The following BRINP3 variants were observed in gnomAD, a reference collection of about 807,000 sequenced individuals.
The protein encoded by BRINP3 is BMP/retinoic acid inducible neural specific 3.
A neutral mutation model predicts 71.0 loss-of-function variants in BRINP3; 19 were observed. The ratio of observed to expected loss-of-function variants is 0.27; its 90% CI spans 0.19 to 0.39. The LOEUF (loss-of-function observed/expected upper bound fraction) is 0.39, where lower values mean the gene tolerates loss of function less well. BRINP3 is among the 10% of genes least tolerant of loss of function. BRINP3 has a pLI of 1.00. For synonymous variants in BRINP3, 380 were observed against 337.7 expected (o/e 1.13, Z -1.37); for missense variants, 959 against 940.8 (o/e 1.02, Z -0.25).
At chr1:190,210,196 A>C (rs2102647035) in intron 6 of BRINP3, among the ~76,000 whole-genome samples, 1 of 152,250 alleles carries the variant, frequency 6.6e-6, no homozygotes, top group Non-Finnish European at 1.5e-5. Context: ...AAAATTATCC[A>C]AATAGTAATA....
chr1:190,327,681 C>T (rs777451760), intron 2 of BRINP3, among the ~76,000 whole-genome samples: 1 of 152,110 alleles, frequency 6.6e-6, no homozygotes, highest in Non-Finnish European at 1.5e-5. Flanking sequence ...AAGACTTACA[C>T]AGCTACACAG....
At chr1:190,340,314 A>C (rs1198015220) in intron 2 of BRINP3, among the ~76,000 whole-genome samples, 1 of 150,152 alleles carries the variant, frequency 6.7e-6, no homozygotes, top group Non-Finnish European at 1.5e-5. Flanking sequence ...GGTGAGGCTT[A>C]AAAGTCTTTA....
intron 1 of BRINP3, among the ~76,000 whole-genome samples, chr1:190,459,277 T>C (rs1676223712): frequency 6.6e-6 from 1 of 151,698 alleles, no homozygotes; most frequent in Non-Finnish European, 1.5e-5. Flanking sequence ...ATGCATATAA[T>C]ACATAATAAA....
intron 6 of BRINP3, among the ~76,000 whole-genome samples, chr1:190,163,502 A>C (rs562394836): frequency 6.6e-6 from 1 of 152,200 alleles, no homozygotes; most frequent in South Asian, 2.1e-4. Context: ...GGAGAAACAA[A>C]GTAACCAACT....
rs2102234872 is a variant in BRINP3 at position 190,099,010 on chromosome 1, C to T, written c.1309G>A (p.Ala437Thr). ...TCPNDQVVCT[A>T]FLPCTVGDAS... Reference sequence around the variant, plus strand: ...TCTCCCACTGTGCAGGGCAGGAACGCGGTGCAGACCACCTGGTCATTCGGA... The same window carrying T: ...TCTCCCACTGTGCAGGGCAGGAACGTGGTGCAGACCACCTGGTCATTCGGA... The change falls in exon 8 of 8, where the codon GCG (alanine) becomes ACG (threonine). Residue 437 changes from alanine (A) to threonine (T), a missense_variant. Ala to Thr is a moderately conservative substitution (Grantham distance 58). Transcript: ENST00000367462. The T allele has an allele frequency of 6.2e-7, 1 of 1,614,146 alleles. No individual in the cohort carries two copies. The highest frequency in any genetic ancestry group is 8.5e-7 in the Non-Finnish European group (1 of 1,180,032).
chr1:190,175,997 T>TTTTTG (rs768195504), intron 6 of BRINP3, among the ~76,000 whole-genome samples: 35 of 152,182 alleles, frequency 2.3e-4, no homozygotes, highest in Middle Eastern at 6.8e-3. Context: ...GTAACATGTG[T>TTTTTG]TTTTGTTTTG....
chr1:190,463,964 T>C (rs944105431), intron 1 of BRINP3, among the ~76,000 whole-genome samples: 3 of 151,908 alleles, frequency 2.0e-5, no homozygotes, highest in South Asian at 2.1e-4. Context: ...ATTTTGCTAT[T>C]CTATTTCTAT....
Position 190,213,432 on chromosome 1 carries a change from C to T in BRINP3, c.961+12650G>A, listed in dbSNP as rs376990007. Among the ~76,000 whole-genome samples the T allele has an allele frequency of 2.0e-4, 31 of 152,102 alleles. No individual in the cohort carries two copies. In the South Asian group the frequency reaches 3.3e-3, roughly 16 times the overall value. ...TTACCTATATTACTTGTCTGACATACGACCTCAAACTTAGAAAATAATTGC... is the reference window on the plus strand; with the variant it reads ...TTACCTATATTACTTGTCTGACATATGACCTCAAACTTAGAAAATAATTGC... On this transcript the variant is annotated intron_variant, in intron 6 of 7. Transcript: ENST00000367462.
At chr1:190,174,351 G>A (rs1307516909) in intron 6 of BRINP3, among the ~76,000 whole-genome samples, 2 of 151,926 alleles carry the variant, frequency 1.3e-5, no homozygotes, top group African/African-American at 2.4e-5. Flanking sequence ...AATATTGAAA[G>A]GATGGATAGA....
At chr1:190,172,427 T>C (rs1652099479) in intron 6 of BRINP3, among the ~76,000 whole-genome samples, 1 of 152,066 alleles carries the variant, frequency 6.6e-6, no homozygotes, top group Admixed American at 6.6e-5. Flanking sequence ...TACTCTCCCA[T>C]ACATTTTTCA....
chr1:190,389,872 G>A (rs954012558), intron 2 of BRINP3, among the ~76,000 whole-genome samples: 3 of 151,738 alleles, frequency 2.0e-5, no homozygotes, highest in Admixed American at 6.6e-5. Flanking sequence ...GAGAAAAGTG[G>A]AAGAAGTGAA....
rs567742139 is a variant in BRINP3 at position 190,373,494 on chromosome 1, G to GTA, written c.236+81159_236+81160dup. ...TATGTATATATGTGTGTGTATATGT[G>GTA]TATATATATACACACACACATATTT... On this transcript the variant is annotated intron_variant, in intron 2 of 7. Transcript: ENST00000367462. Among the ~76,000 whole-genome samples, 101 of 150,948 alleles carry GTA rather than the reference G, an allele frequency of 6.7e-4. 1 individual carries two copies. The East Asian group carries it at 9.4e-3, about 14-fold the overall frequency.
At chr1:190,444,531 A>AT (rs529780871) in intron 2 of BRINP3, among the ~76,000 whole-genome samples, 162 of 151,438 alleles carry the variant, frequency 1.1e-3, no homozygotes, top group African/African-American at 3.7e-3. Context: ...ATTTTTATTT[A>AT]TTTTTTTATT....
chr1:190,264,945 G>C lies in BRINP3; in HGVS notation c.538C>G (p.Leu180Val). The change falls in exon 4 of 8, where the codon CTA (leucine) becomes GTA (valine). Residue 180 changes from leucine (L) to valine (V), a missense_variant. By Grantham distance (32) the Leu-to-Val change is conservative (BLOSUM62 1). Coordinates refer to ENST00000367462, the MANE Select transcript of BRINP3 (RefSeq NM_199051.3). ...SSVTLETLHQ[L>V]AASYFIDRDS... ...CTGTCAATGAAATAAGAAGCGGCTA[G>C]CTGATGTAGCGTCTCCAGAGTGACC... 6.2e-7 allele frequency: 1 copy of C among 1,613,660 alleles called. No homozygotes were observed. The highest frequency in any genetic ancestry group is 8.5e-7 in the Non-Finnish European group (1 of 1,179,862).
At chr1:190,178,790 G>T (rs1652782859) in intron 6 of BRINP3, among the ~76,000 whole-genome samples, 1 of 152,012 alleles carries the variant, frequency 6.6e-6, no homozygotes. Context: ...AAAAAATTGG[G>T]TGAGTTAAAT....
At chr1:190,102,576 TA>T (rs1158526834) in intron 7 of BRINP3, among the ~76,000 whole-genome samples, 1 of 151,828 alleles carries the variant, frequency 6.6e-6, no homozygotes, top group Non-Finnish European at 1.5e-5. Flanking sequence ...TGCTTAATAA[TA>T]CTTCAGTAAA....
intron 2 of BRINP3, among the ~76,000 whole-genome samples, chr1:190,310,006 G>A (rs1665403072): frequency 6.6e-6 from 1 of 151,504 alleles, no homozygotes; most frequent in African/African-American, 2.4e-5. Context: ...AATACATGGA[G>A]TAGGCTACAA....
chr1:190,123,405 A>G (rs1302151194), intron 7 of BRINP3, among the ~76,000 whole-genome samples: 2 of 152,108 alleles, frequency 1.3e-5, no homozygotes, highest in African/African-American at 4.8e-5. Context: ...ATCTATGAAA[A>G]GCAATACACT....
At chr1:190,227,964 T>G (rs1469407175) in intron 5 of BRINP3, among the ~76,000 whole-genome samples, 1 of 151,896 alleles carries the variant, frequency 6.6e-6, no homozygotes, top group Non-Finnish European at 1.5e-5. Context: ...GGTAAAGAAA[T>G]ATATTAGAGT....
Sources: allele counts gnomAD v4.1 joint callset (sites outside exome capture counted in the v4.1 genomes callset), GRCh38; gene constraint gnomAD v4.1.1; transcripts MANE v1.5; gene names NCBI Gene and HGNC (gene_info 2026-07-23, HGNC 2026-07-21).